ADAM10: variants seen among roughly 807,000 people sequenced by gnomAD.
ADAM10 encodes ADAM metallopeptidase domain 10, also known as disintegrin and metalloproteinase domain-containing protein 10.
Under a neutral mutation model 90.1 loss-of-function variants are expected in ADAM10, and 17 were observed. That is an observed-to-expected ratio of 0.19 (90% CI 0.13 to 0.28). The LOEUF (loss-of-function observed/expected upper bound fraction) is 0.28. ADAM10 is among the 10% of genes least tolerant of loss of function. The probability of loss-of-function intolerance (pLI) is 1.00; values close to 1 mark genes in which losing one functional copy is unlikely to be tolerated. For synonymous variants in ADAM10, 310 were observed against 298.6 expected, an observed-to-expected ratio of 1.04 and a Z score of -0.40; for missense variants, 610 against 914.3, an observed-to-expected ratio of 0.67 and a Z score of 4.29.
intron 2 of ADAM10, among the ~76,000 whole-genome samples, chr15:58,697,191 C>A (rs529613877): frequency 4.6e-5 from 7 of 152,292 alleles, no homozygotes; most frequent in South Asian, 2.1e-4. Context: ...TTGGCAGTGA[C>A]CCTGCTGCCC....
At chr15:58,688,446 T>TA (rs11381678) in intron 2 of ADAM10, among the ~76,000 whole-genome samples, 73,028 of 150,022 alleles carry the variant, frequency 0.49, 20,595 homozygotes, top group East Asian at 0.84. Context: ...CACAAACTAT[T>TA]AAAAAAAACA....
chr15:58,630,002 G>T (rs1896058232), intron 9 of ADAM10, among the ~76,000 whole-genome samples: 1 of 152,022 alleles, frequency 6.6e-6, no homozygotes, highest in South Asian at 2.1e-4. Context: ...TCGAACTCCT[G>T]GGCTCAAGCA....
At chr15:58,629,109 C>T (rs1896028297) in intron 9 of ADAM10, among the ~76,000 whole-genome samples, 1 of 152,154 alleles carries the variant, frequency 6.6e-6, no homozygotes, top group African/African-American at 2.4e-5. Context: ...AGAAAAAAAT[C>T]CCAATTCTGT....
chr15:58,610,881 G>C, intron 13 of ADAM10, 118 bp downstream of exon 13: 3 of 786,504 alleles, frequency 3.8e-6, no homozygotes, highest in Non-Finnish European at 2.3e-6. Flanking sequence ...TCCTCAAGAG[G>C]ACAGATTTAG....
At chr15:58,737,599 G>A (rs1371352321) in intron 1 of ADAM10, among the ~76,000 whole-genome samples, 1 of 152,124 alleles carries the variant, frequency 6.6e-6, no homozygotes, top group African/African-American at 2.4e-5. Context: ...TAGAGATGCT[G>A]TGAAGACCAA....
chr15:58,692,841 A>G (rs1566998367), intron 2 of ADAM10: 1 of 658,340 alleles, frequency 1.5e-6, no homozygotes, highest in Non-Finnish European at 2.9e-6. Context: ...TTTCTGCACA[A>G]GACTGAAAAG....
intron 14 of ADAM10, among the ~76,000 whole-genome samples, chr15:58,607,629 T>C (rs776811081): frequency 5.3e-5 from 8 of 152,154 alleles, no homozygotes; most frequent in Non-Finnish European, 8.8e-5. Context: ...TAGCAAAATA[T>C]GACAGCAGAA....
rs748945745 is a variant in ADAM10, at chr15:58,691,363, A to G, written c.207-9049T>C. 2.2e-5 allele frequency: 21 copies of G among 939,188 alleles called. 1 individual carries two copies. The South Asian group carries it at 2.6e-4, about 12-fold the overall frequency. 58.2% of individuals were successfully genotyped at this position (939,188 alleles called of 1,614,324 possible). A position where few individuals can be genotyped will look rare whatever the true frequency, so the allele number is the denominator to read the frequency against. On this transcript the variant is annotated intron_variant, in intron 2 of 15. Coordinates refer to ENST00000260408, the MANE Select transcript of ADAM10 (RefSeq NM_001110.4). The stretch of plus-strand genomic sequence containing the variant: ...TACTCATCAATGGGCTCACTCATAT[A>G]TATTACCTCGAAGCCCTTCTTCCAC...
intron 8 of ADAM10, among the ~76,000 whole-genome samples, chr15:58,639,401 T>A (rs1476243637): frequency 6.6e-6 from 1 of 152,170 alleles, no homozygotes; most frequent in African/African-American, 2.4e-5. Context: ...TAAAATCATA[T>A]GAGACCCTGA....
intron 14 of ADAM10, 70 bp from the exon 15 acceptor site, chr15:58,599,794 A>G: frequency 6.8e-7 from 1 of 1,477,450 alleles, no homozygotes; most frequent in Non-Finnish European, 9.4e-7. Flanking sequence ...CTTTTACAGT[A>G]TATAAAACAT....
intron 4 of ADAM10, 87 bp from the exon 5 acceptor site, chr15:58,665,284 T>C: frequency 9.5e-7 from 1 of 1,053,188 alleles, no homozygotes; most frequent in South Asian, 1.3e-5. Flanking sequence ...AATTTAACTG[T>C]CTTAACTAAT....
intron 2 of ADAM10, among the ~76,000 whole-genome samples, chr15:58,715,313 T>C (rs1248413519): frequency 1.3e-5 from 2 of 151,854 alleles, no homozygotes; most frequent in Admixed American, 6.6e-5. Flanking sequence ...TCCCAGCTAC[T>C]TGGGAGACTG....
intron 1 of ADAM10, among the ~76,000 whole-genome samples, chr15:58,719,044 C>T (rs1251009527): frequency 6.6e-6 from 1 of 152,212 alleles, no homozygotes; most frequent in Admixed American, 6.5e-5. Flanking sequence ...CATTGTTTCG[C>T]TGGGCGTGGT....
rs1894777871 is a variant in ADAM10 at position 58,589,315 on chromosome 15, C to T, written c.*8232G>A. On this transcript the variant is annotated 3_prime_UTR_variant, in exon 16 of 16. Coordinates refer to ENST00000260408, the MANE Select transcript of ADAM10 (RefSeq NM_001110.4). ...ACGACAGTCAACTGCCCCATGGTTACATCATTTCTAAAAGCTTGTGACAGC... is the reference window on the plus strand; with the variant it reads ...ACGACAGTCAACTGCCCCATGGTTATATCATTTCTAAAAGCTTGTGACAGC... The T allele has an allele frequency of 6.6e-6, 1 of 152,198 alleles. No homozygotes were observed. The allele number at this position is 152,198 out of a possible 1,614,324, so 9.4% of individuals were successfully genotyped here.
chr15:58,635,106 T>TTAG lies in ADAM10; in HGVS notation c.1013-1748_1013-1747insCTA, dbSNP rs550154059. On this transcript the variant is annotated intron_variant, in intron 8 of 15. Transcript: ENST00000260408. ...GAGAACATCTCGGTGAAACCCCATCTCTGCTAAAAATACAAAAAATTAGCA... is the reference window on the plus strand; with the variant it reads ...GAGAACATCTCGGTGAAACCCCATCTTAGCTGCTAAAAATACAAAAAATTAGCA... 8.3e-3 allele frequency among the ~76,000 whole-genome samples: 1,255 copies of TTAG among 151,446 alleles called. 19 individuals carry two copies. Among genetic ancestry groups the TTAG allele is most frequent in the African/African-American group, 0.029 (1,195 of 41,330 alleles).
intron 2 of ADAM10, among the ~76,000 whole-genome samples, chr15:58,713,578 C>A (rs1388698069): frequency 6.6e-6 from 1 of 152,118 alleles, no homozygotes; most frequent in Non-Finnish European, 1.5e-5. Flanking sequence ...GTGAGCAATC[C>A]AATTCATCAG....
At chr15:58,723,137 A>G (rs1448964406) in intron 1 of ADAM10, among the ~76,000 whole-genome samples, 1 of 152,152 alleles carries the variant, frequency 6.6e-6, no homozygotes, top group Non-Finnish European at 1.5e-5. Flanking sequence ...GGAATGAAAT[A>G]ATATTTTAAT....
At chr15:58,605,822 G>A (rs551481575) in intron 14 of ADAM10, among the ~76,000 whole-genome samples, 3 of 152,150 alleles carry the variant, frequency 2.0e-5, no homozygotes, top group African/African-American at 7.2e-5. Context: ...CTTAAACATA[G>A]CCAATAATAA....
intron 1 of ADAM10, among the ~76,000 whole-genome samples, chr15:58,719,075 G>A (rs1008853402): frequency 6.6e-6 from 1 of 152,174 alleles, no homozygotes; most frequent in Non-Finnish European, 1.5e-5. Context: ...TGTAATCCGA[G>A]CACTTTGGGA....
Sources: gnomAD v4.1 joint callset for allele counts (sites outside exome capture counted in the v4.1 genomes callset) on GRCh38, gnomAD v4.1.1 for gene constraint, MANE v1.5 for transcripts, NCBI Gene and HGNC (gene_info 2026-07-23, HGNC 2026-07-21) for gene names.